The following CEP76 variants were observed in gnomAD, a reference collection of about 807,000 sequenced individuals.
CEP76 encodes centrosomal protein 76.
A neutral mutation model predicts 83.3 loss-of-function variants in CEP76; 55 were observed. The ratio of observed to expected loss-of-function variants is 0.66; its 90% CI spans 0.53 to 0.83. The LOEUF (loss-of-function observed/expected upper bound fraction) is 0.83, where lower values mean the gene tolerates loss of function less well. CEP76 is among the 40% of genes least tolerant of loss of function. The probability of loss-of-function intolerance (pLI) is 0.00; values close to 1 mark genes in which losing one functional copy is unlikely to be tolerated. For synonymous variants in CEP76, 270 were observed against 274.5 expected (o/e 0.98, Z 0.16); for missense variants, 694 against 799.5 (o/e 0.87, Z 1.59).
At chr18:12,664,888 AGG>A (rs1375625966) in intron 12 of CEP76, among the ~76,000 whole-genome samples, 1 of 112,512 alleles carries the variant, frequency 8.9e-6, no homozygotes, top group Non-Finnish European at 2.0e-5. Flanking sequence ...TAGTAGAGAC[AGG>A]GTTTCACCAC....
At chr18:12,689,762 G>T (rs1342742730) in intron 7 of CEP76, among the ~76,000 whole-genome samples, 1 of 149,376 alleles carries the variant, frequency 6.7e-6, no homozygotes, top group Non-Finnish European at 1.5e-5. Flanking sequence ...CAGGGAGCCA[G>T]TTTATATATA....
chr18:12,700,342 T>G (rs1366818515), intron 2 of CEP76: 1 of 152,968 alleles, frequency 6.5e-6, no homozygotes, highest in Non-Finnish European at 1.5e-5. Flanking sequence ...GGTGCTGTAT[T>G]AAAATACTTA....
rs770309334 is a variant in CEP76 at position 12,674,729 on chromosome 18, C to T, written c.1648G>A (p.Glu550Lys). ...GATAAAAGGTAGGAGAGCTGGTCTT[C>T]CCAAACAGTAGTGAGGCCAAGATCC... is the stretch of plus-strand genomic sequence containing the variant. ...RKDLGLTTVW[E>K]DQLSYLLSPA... Residue 550 changes from glutamate (E) to lysine (K), a missense_variant, in exon 11 of 12, where the codon GAA becomes AAA. Coordinates refer to ENST00000262127, the MANE Select transcript of CEP76 (RefSeq NM_024899.4). 3.1e-6 allele frequency: 5 copies of T among 1,613,704 alleles called. No individual in the cohort carries two copies. Among genetic ancestry groups the T allele is most frequent in the Non-Finnish European group, 4.2e-6 (5 of 1,179,842 alleles).
chr18:12,696,692 A>G (rs2039969479), intron 5 of CEP76, among the ~76,000 whole-genome samples: 1 of 152,160 alleles, frequency 6.6e-6, no homozygotes, highest in African/African-American at 2.4e-5. Context: ...CAAGATTCCA[A>G]GGAGACTATG....
intron 8 of CEP76, 195 bp downstream of exon 8, chr18:12,686,067 A>T: frequency 2.1e-6 from 1 of 468,542 alleles, no homozygotes; most frequent in African/African-American, 2.0e-5. Flanking sequence ...AATTTGTACT[A>T]TTTTTTATTA....
intron 5 of CEP76, among the ~76,000 whole-genome samples, chr18:12,695,866 A>G (rs972084400): frequency 6.6e-6 from 1 of 151,832 alleles, no homozygotes; most frequent in African/African-American, 2.4e-5. Context: ...ACACACACAC[A>G]CACACACACA....
chr18:12,674,420 C>T, intron 11 of CEP76, 116 bp downstream of exon 11: 1 of 706,546 alleles, frequency 1.4e-6, no homozygotes, highest in East Asian at 2.7e-5. Context: ...CCAGCATGGG[C>T]AGCAGAGCAA....
chr18:12,663,701 A>G (rs992128534), intron 12 of CEP76, among the ~76,000 whole-genome samples: 1 of 152,188 alleles, frequency 6.6e-6, no homozygotes, highest in Admixed American at 6.5e-5. Flanking sequence ...ACTGAATCAC[A>G]CTTTGCTGAT....
Position 12,702,124 on chromosome 18 carries a change from A to C in CEP76, c.63+362T>G, listed in dbSNP as rs367582495. 1.1e-3 allele frequency among the ~76,000 whole-genome samples: 172 copies of C among 152,316 alleles called. 1 individual carries two copies. The highest frequency in any genetic ancestry group is 3.7e-3 in the African/African-American group (152 of 41,572). ...CTGGGCAACAGAGAGACTCCGTCTC[A>C]AGAAAGAAAAAAAACCTGATATCTT... On this transcript the variant is annotated intron_variant, in intron 1 of 11. Coordinates refer to ENST00000262127, the MANE Select transcript of CEP76 (RefSeq NM_024899.4).
rs549472463 is a variant in CEP76, at chr18:12,702,314, C to A, written c.63+172G>T. The A allele has an allele frequency of 6.4e-5, 36 of 559,984 alleles. No individual in the cohort carries two copies. In the African/African-American group the frequency reaches 6.8e-4, roughly 11 times the overall value. The allele number at this position is 559,984 out of a possible 1,614,324, so 34.7% of individuals were successfully genotyped here. A position where few individuals can be genotyped will look rare whatever the true frequency, so the allele number is the denominator to read the frequency against. On this transcript the variant is annotated intron_variant, in intron 1 of 11. Transcript: ENST00000262127. ...CTCGGCTCGTTTTCTTTCTCGGAGA[C>A]GAGGACGCTCTCCTGCCTCAAACTC...
Position 12,673,134 on chromosome 18 carries a change from A to T in CEP76, c.*231T>A. 8.9e-7 allele frequency: 1 copy of T among 1,123,344 alleles called. No homozygotes were observed. The highest frequency in any genetic ancestry group is 2.9e-5 in the South Asian group (1 of 34,902). 69.6% of individuals were successfully genotyped at this position (1,123,344 alleles called of 1,614,324 possible). The stretch of plus-strand genomic sequence containing the variant: ...AGTAGCATTTATTAAAATAGAATAT[A>T]CACTTAATTTATACTAAATTCCAGG... On this transcript the variant is annotated 3_prime_UTR_variant, in exon 12 of 12. Transcript: ENST00000262127.
rs374092677 is a variant in CEP76, at chr18:12,698,970, G to A, written c.520+9C>T. On this transcript the variant is annotated intron_variant, in intron 4 of 11. Coordinates refer to ENST00000262127, the MANE Select transcript of CEP76 (RefSeq NM_024899.4). ...CTCAATTAAATGACAATTTATTACT[G>A]TTTCTTACCCAAGCTTTCTCTGTGT... 2.5e-6 allele frequency: 4 copies of A among 1,575,210 alleles called. No individual in the cohort carries two copies. Among genetic ancestry groups the A allele is most frequent in the Non-Finnish European group, 3.5e-6 (4 of 1,150,714 alleles).
chr18:12,685,161 A>G (rs954821506), intron 8 of CEP76: 8 of 151,592 alleles, frequency 5.3e-5, no homozygotes, highest in Non-Finnish European at 1.0e-4. Flanking sequence ...CCACCACACC[A>G]CGCTAATTTT....
intron 7 of CEP76, 127 bp from the exon 8 acceptor site, chr18:12,686,577 G>A: frequency 1.5e-6 from 1 of 663,480 alleles, no homozygotes; most frequent in Non-Finnish European, 2.5e-6. Context: ...CTTGTATCCA[G>A]TATTTGGCTG....
rs1055451188 is a variant in CEP76, at chr18:12,686,402, G to A, written c.982C>T (p.Arg328Ter). 2.5e-6 allele frequency: 4 copies of A among 1,613,998 alleles called. No individual in the cohort carries two copies. Among genetic ancestry groups the A allele is most frequent in the East Asian group, 2.2e-5 (1 of 44,856 alleles). Residue 328 changes from arginine to a stop codon, truncating the protein, a stop_gained, in exon 8 of 12, where the codon CGA (arginine) becomes TGA (stop). Coordinates refer to ENST00000262127, the MANE Select transcript of CEP76 (RefSeq NM_024899.4). LOFTEE classifies it high-confidence loss of function. ...GGAGTATCAAGAAGCCGTCCAGCTC[G>A]AAGTGGTTTAACATAGGAACAGACT... ...RPVCSYVKPL[R>*]AGRLLDTPRQ...
Position 12,674,630 on chromosome 18 carries a change from T to A in CEP76, c.1747A>T (p.Ile583Leu). The A allele has an allele frequency of 6.2e-7, 1 of 1,614,070 alleles. No homozygotes were observed. The highest frequency in any genetic ancestry group is 1.1e-5 in the South Asian group (1 of 91,078). The change falls in exon 11 of 12, where the codon ATA becomes TTA. Residue 583 changes from isoleucine to leucine, a missense_variant. Physicochemically the swap from Ile to Leu is conservative, Grantham distance 5. Coordinates refer to ENST00000262127, the MANE Select transcript of CEP76 (RefSeq NM_024899.4). The stretch of plus-strand genomic sequence containing the variant: ...TGACCATCAGGTACAGCCCTTCTTA[T>A]GGCATCTTGAAATTCTTCATTGCCT... ...SAGNEEFQDA[I>L]RRAVPDGHTF...
chr18:12,693,926 G>A (rs368040157), intron 6 of CEP76, among the ~76,000 whole-genome samples: 1 of 152,080 alleles, frequency 6.6e-6, no homozygotes, highest in African/African-American at 2.4e-5. Context: ...TCAAATTCCT[G>A]GGTCAAGCAA....
At chr18:12,700,166 A>C in intron 2 of CEP76, 1 of 256,742 alleles carries the variant, frequency 3.9e-6, no homozygotes, top group African/African-American at 2.2e-5. Flanking sequence ...CTAAAAACAA[A>C]TCCTTAATAC....
chr18:12,684,897 TAATTA>T (rs753952145), intron 8 of CEP76: 9 of 152,212 alleles, frequency 5.9e-5, no homozygotes, highest in Admixed American at 3.3e-4. Context: ...TCAAAAAGTG[TAATTA>T]AATATACATT....
Sources: gnomAD v4.1 joint callset for allele counts (sites outside exome capture counted in the v4.1 genomes callset) on GRCh38, gnomAD v4.1.1 for gene constraint, MANE v1.5 for transcripts, NCBI Gene and HGNC (gene_info 2026-07-23, HGNC 2026-07-21) for gene names.